Variants in ZSCAN5A observed in about 807,000 individuals in gnomAD.
ZSCAN5A encodes zinc finger and SCAN domain-containing protein 5A.
In ZSCAN5A, 12 loss-of-function variants were observed where a neutral mutation model predicts 23.7. The ratio of observed to expected loss-of-function variants is 0.51; its 90% CI spans 0.32 to 0.82. The LOEUF is 0.82. ZSCAN5A is among the 40% of genes least tolerant of loss of function. The probability of loss-of-function intolerance (pLI) is 0.03; values close to 1 mark genes in which losing one functional copy is unlikely to be tolerated. For missense variants in ZSCAN5A, 597 were observed against 617.9 expected, an observed-to-expected ratio of 0.97 and a Z score of 0.36; for synonymous variants, 257 against 239.9, an observed-to-expected ratio of 1.07 and a Z score of -0.66.
chr19:56,282,329 G>C (rs2038775899), intron 2 of ZSCAN5A, among the ~76,000 whole-genome samples: 4 of 152,172 alleles, frequency 2.6e-5, no homozygotes, highest in Admixed American at 6.5e-5. Flanking sequence ...ATGAATTGCA[G>C]CTCCCCATTC....
chr19:56,263,571 A>G (rs560280582), intron 2 of ZSCAN5A: 2 of 152,304 alleles, frequency 1.3e-5, no homozygotes, highest in East Asian at 3.9e-4. Context: ...CTTAACCCAG[A>G]AAAACTGCAA....
intron 2 of ZSCAN5A, among the ~76,000 whole-genome samples, chr19:56,355,996 C>T (rs905890098): frequency 6.7e-6 from 1 of 148,442 alleles, no homozygotes; most frequent in African/African-American, 2.5e-5. Flanking sequence ...TACCAGATAC[C>T]AGTGTGTAGT....
chr19:56,335,151 T>G (rs2041523183), intron 2 of ZSCAN5A, among the ~76,000 whole-genome samples: 1 of 151,014 alleles, frequency 6.6e-6, no homozygotes, highest in African/African-American at 2.4e-5. Flanking sequence ...TAAAATGCAA[T>G]CACAAGTATT....
intron 2 of ZSCAN5A, among the ~76,000 whole-genome samples, chr19:56,228,879 G>A (rs1399300703): frequency 6.6e-6 from 1 of 152,186 alleles, no homozygotes; most frequent in East Asian, 1.9e-4. Flanking sequence ...TAAATCAGTG[G>A]TTTGATATCA....
In ZSCAN5A at chr19:56,223,727, T is replaced by C. The variant is rs747034599; in HGVS notation, c.492A>G (p.Gln164=). Reference sequence around the variant, plus strand: ...GCATCTGGTTCACCGAGGAGGCCCGTTGGCTGGACACGTCTTTCAGATCAT... The same window carrying C: ...GCATCTGGTTCACCGAGGAGGCCCGCTGGCTGGACACGTCTTTCAGATCAT... ...VRDDLKDVSS[Q]RASSVNQMRP... Residue 164 remains glutamine (Q), a synonymous_variant, in exon 4 of 6, where the codon CAA becomes CAG. Coordinates refer to ENST00000683990, the MANE Select transcript of ZSCAN5A (RefSeq NM_001322064.3). 40 of 1,613,672 alleles carry C rather than the reference T, an allele frequency of 2.5e-5. No individual in the cohort carries two copies. The highest frequency in any genetic ancestry group is 3.1e-5 in the Non-Finnish European group (37 of 1,179,924).
At chr19:56,336,934 T>C (rs1035636866) in intron 2 of ZSCAN5A, among the ~76,000 whole-genome samples, 26 of 152,284 alleles carry the variant, frequency 1.7e-4, no homozygotes, top group African/African-American at 5.5e-4. Context: ...GCCTGATCAT[T>C]CCTCTGGAAG....
At chr19:56,280,346 A>G (rs1462539433) in intron 2 of ZSCAN5A, among the ~76,000 whole-genome samples, 1 of 152,184 alleles carries the variant, frequency 6.6e-6, no homozygotes, top group Non-Finnish European at 1.5e-5. Context: ...TTGACCAGTC[A>G]CATACTAATG....
intron 2 of ZSCAN5A, among the ~76,000 whole-genome samples, chr19:56,287,139 G>A (rs1028652747): frequency 6.6e-6 from 1 of 152,152 alleles, no homozygotes; most frequent in African/African-American, 2.4e-5. Context: ...GACAGTTTCC[G>A]AGTTTTGTCC....
intron 2 of ZSCAN5A, chr19:56,320,898 T>C: frequency 1.3e-6 from 1 of 762,854 alleles, no homozygotes; most frequent in Non-Finnish European, 2.5e-6. Context: ...TTCCAATCTT[T>C]ACCCCCTTGA....
intron 2 of ZSCAN5A, among the ~76,000 whole-genome samples, chr19:56,253,716 T>C (rs961979657): frequency 1.3e-5 from 2 of 151,432 alleles, no homozygotes; most frequent in Non-Finnish European, 2.9e-5. Flanking sequence ...ACTAAATACA[T>C]TTTTTTTTCT....
chr19:56,324,153 AC>A (rs1438067015), intron 2 of ZSCAN5A, among the ~76,000 whole-genome samples: 1 of 152,162 alleles, frequency 6.6e-6, no homozygotes, highest in Admixed American at 6.5e-5. Context: ...GCCTCCGGTA[AC>A]CACCAATCAA....
At chr19:56,228,321 T>C in intron 2 of ZSCAN5A, 9 of 985,406 alleles carry the variant, frequency 9.1e-6, no homozygotes, top group Non-Finnish European at 1.1e-5. Flanking sequence ...GGAGCTGAAC[T>C]GCGTCTATTT....
chr19:56,344,556 A>G (rs7247773), intron 2 of ZSCAN5A, among the ~76,000 whole-genome samples: 3,022 of 152,066 alleles, frequency 0.02, 106 homozygotes, highest in African/African-American at 0.068. Flanking sequence ...GCGGATCACC[A>G]GGTCAGGAGA....
At chr19:56,327,406 C>T (rs186707636) in intron 2 of ZSCAN5A, among the ~76,000 whole-genome samples, 7 of 151,688 alleles carry the variant, frequency 4.6e-5, no homozygotes, top group Admixed American at 2.0e-4. Flanking sequence ...TGAGCCATAG[C>T]ACCTGGCCAA....
chr19:56,290,097 C>A (rs558518354), intron 2 of ZSCAN5A, among the ~76,000 whole-genome samples: 74 of 152,262 alleles, frequency 4.9e-4, no homozygotes, highest in African/African-American at 1.4e-3. Context: ...GAAACTTTTT[C>A]AAAAAGACAG....
chr19:56,346,378 T>C (rs1042569535), intron 2 of ZSCAN5A, among the ~76,000 whole-genome samples: 8 of 152,208 alleles, frequency 5.3e-5, no homozygotes, highest in African/African-American at 1.9e-4. Context: ...CTAGGGATCA[T>C]GGGTCACAGG....
At chr19:56,260,804 G>T (rs192722306) in intron 2 of ZSCAN5A, among the ~76,000 whole-genome samples, 58 of 152,290 alleles carry the variant, frequency 3.8e-4, no homozygotes, top group Admixed American at 5.9e-4. Flanking sequence ...TGAGCTAGAA[G>T]ATATTTTTCT....
Position 56,221,530 on chromosome 19 carries a change from C to T in ZSCAN5A, c.*45G>A, listed in dbSNP as rs536449963. On this transcript the variant is annotated 3_prime_UTR_variant, in exon 6 of 6. Coordinates refer to ENST00000683990, the MANE Select transcript of ZSCAN5A (RefSeq NM_001322064.3). The stretch of plus-strand genomic sequence containing the variant: ...ATCTGATAACATTGATGAAAAATAT[C>T]ATTCACTTCTTCTTGGTGCAGAAGG... 1.3e-6 allele frequency: 2 copies of T among 1,525,966 alleles called. No homozygotes were observed. The highest frequency in any genetic ancestry group is 2.2e-5 in the Admixed American group (1 of 45,584). 94.5% of individuals were successfully genotyped at this position (1,525,966 alleles called of 1,614,324 possible). A position where few individuals can be genotyped will look rare whatever the true frequency, so the allele number is the denominator to read the frequency against.
At chr19:56,224,288 C>T (rs2033662522) in intron 3 of ZSCAN5A, 1 of 253,210 alleles carries the variant, frequency 3.9e-6, no homozygotes, top group African/African-American at 2.2e-5. Flanking sequence ...TCCCTACATT[C>T]CATCAGGCCT....
Sources: allele counts gnomAD v4.1 joint callset (sites outside exome capture counted in the v4.1 genomes callset), GRCh38; gene constraint gnomAD v4.1.1; transcripts MANE v1.5; gene names NCBI Gene and HGNC (gene_info 2026-07-23, HGNC 2026-07-21).